Variants in PARPBP observed in about 807,000 individuals in gnomAD.
PARPBP encodes PCNA-interacting partner.
A neutral mutation model predicts 50.0 loss-of-function variants in PARPBP; 52 were observed. The observed-to-expected ratio is 1.04, with a 90% CI of 0.83 to 1.31. The LOEUF (loss-of-function observed/expected upper bound fraction) is 1.31, where lower values mean the gene tolerates loss of function less well. Among genes scored for constraint, PARPBP ranks in the 50% most tolerant of loss-of-function variants. The pLI is 0.00. For missense variants in PARPBP, 697 were observed against 672.0 expected (o/e 1.04, Z -0.41); for synonymous variants, 244 against 232.1 (o/e 1.05, Z -0.47).
chr12:102,140,437 C>T (rs1417278613), intron 2 of PARPBP, among the ~76,000 whole-genome samples: 1 of 152,108 alleles, frequency 6.6e-6, no homozygotes, highest in African/African-American at 2.4e-5. Flanking sequence ...AAAAACAGCT[C>T]CTGGGTTCAT....
At chr12:102,126,389 A>G (rs1485335818) in intron 2 of PARPBP, among the ~76,000 whole-genome samples, 1 of 152,222 alleles carries the variant, frequency 6.6e-6, no homozygotes, top group East Asian at 1.9e-4. Context: ...ATGCTTTAAA[A>G]AAGTTTTTCT....
At chr12:102,141,590 T>C (rs1390065033) in intron 2 of PARPBP, among the ~76,000 whole-genome samples, 1 of 152,236 alleles carries the variant, frequency 6.6e-6, no homozygotes, top group Non-Finnish European at 1.5e-5. Context: ...TTGATGGTCT[T>C]TAAAATTTGG....
intron 2 of PARPBP, among the ~76,000 whole-genome samples, chr12:102,140,366 TTC>T (rs1252535049): frequency 6.6e-6 from 1 of 152,212 alleles, no homozygotes; most frequent in African/African-American, 2.4e-5. Context: ...TATTTGATTC[TTC>T]TCTCTTTTCT....
At chr12:102,128,256 G>C (rs1016352669) in intron 2 of PARPBP, among the ~76,000 whole-genome samples, 1 of 151,732 alleles carries the variant, frequency 6.6e-6, no homozygotes, top group Non-Finnish European at 1.5e-5. Flanking sequence ...TTTTTTGATG[G>C]AGTCTCACTC....
chr12:102,131,452 A>C (rs1226376254), intron 2 of PARPBP, among the ~76,000 whole-genome samples: 1 of 152,202 alleles, frequency 6.6e-6, no homozygotes, highest in East Asian at 1.9e-4. Flanking sequence ...AGACCTAAAA[A>C]CAGAACTACC....
intron 4 of PARPBP, among the ~76,000 whole-genome samples, chr12:102,159,359 T>A (rs1458022381): frequency 2.6e-5 from 4 of 152,046 alleles, no homozygotes; most frequent in Admixed American, 1.3e-4. Flanking sequence ...GAACTCCTGA[T>A]CTCGTGATCC....
At chr12:102,148,740 T>C in intron 3 of PARPBP, 1 of 275,778 alleles carries the variant, frequency 3.6e-6, no homozygotes, top group East Asian at 6.4e-5. Flanking sequence ...CCCAAATGCC[T>C]GATTTCTTTT....
At chr12:102,131,735 C>T (rs965660666) in intron 2 of PARPBP, among the ~76,000 whole-genome samples, 4 of 152,140 alleles carry the variant, frequency 2.6e-5, no homozygotes, top group Non-Finnish European at 4.4e-5. Flanking sequence ...AATGCAGGAA[C>T]AGAAAACCAG....
chr12:102,139,967 G>T (rs979594946), intron 2 of PARPBP, among the ~76,000 whole-genome samples: 16 of 152,164 alleles, frequency 1.1e-4, no homozygotes, highest in Admixed American at 5.2e-4. Context: ...GTCTCTGCCA[G>T]GCTTTGGTAT....
chr12:102,135,641 T>C (rs1234453687), intron 2 of PARPBP, among the ~76,000 whole-genome samples: 1 of 151,908 alleles, frequency 6.6e-6, no homozygotes, highest in Non-Finnish European at 1.5e-5. Context: ...AAGGTTTGTA[T>C]AGATTTCCCT....
chr12:102,160,778 G>A (rs748403971), intron 4 of PARPBP, among the ~76,000 whole-genome samples: 1 of 151,846 alleles, frequency 6.6e-6, no homozygotes, highest in Admixed American at 6.6e-5. Context: ...GAGAAATCCC[G>A]TCTCTACTAA....
chr12:102,151,037 C>A (rs1489674213), intron 3 of PARPBP, among the ~76,000 whole-genome samples: 1 of 152,142 alleles, frequency 6.6e-6, no homozygotes, highest in Non-Finnish European at 1.5e-5. Context: ...GCAGTCAGAT[C>A]TGAGTCCCAA....
intron 3 of PARPBP, chr12:102,152,052 T>C (rs1886273682): frequency 6.8e-6 from 3 of 438,410 alleles, no homozygotes; most frequent in African/African-American, 6.0e-5. Flanking sequence ...TTTTCTTTTT[T>C]CTTCCTAAAA....
At chr12:102,146,254 A>G (rs917644058) in intron 2 of PARPBP, among the ~76,000 whole-genome samples, 1 of 152,148 alleles carries the variant, frequency 6.6e-6, no homozygotes, top group Non-Finnish European at 1.5e-5. Context: ...AACCCGCATC[A>G]CCAAGTCAAT....
At chr12:102,132,535 T>G (rs947239169) in intron 2 of PARPBP, among the ~76,000 whole-genome samples, 1 of 152,214 alleles carries the variant, frequency 6.6e-6, no homozygotes, top group Non-Finnish European at 1.5e-5. Context: ...ATGCTAGTAC[T>G]ATGCTATTTG....
intron 5 of PARPBP, among the ~76,000 whole-genome samples, chr12:102,165,338 A>G (rs1181481371): frequency 6.6e-6 from 1 of 152,210 alleles, no homozygotes; most frequent in Non-Finnish European, 1.5e-5. Flanking sequence ...GTTTAACACA[A>G]CAGATCAGCT....
chr12:102,171,942 G>A (rs983284345), intron 6 of PARPBP, among the ~76,000 whole-genome samples: 21 of 151,936 alleles, frequency 1.4e-4, no homozygotes, highest in Admixed American at 5.9e-4. Context: ...AATTTTTAAA[G>A]GTAAAATTTA....
intron 4 of PARPBP, among the ~76,000 whole-genome samples, chr12:102,156,987 A>G (rs938847209): frequency 2.6e-5 from 4 of 152,268 alleles, no homozygotes; most frequent in African/African-American, 9.6e-5. Flanking sequence ...GAATGCATTT[A>G]CTTCCAAAAT....
chr12:102,158,375 A>G (rs1318447518), intron 4 of PARPBP, among the ~76,000 whole-genome samples: 1 of 152,094 alleles, frequency 6.6e-6, no homozygotes, highest in African/African-American at 2.4e-5. Flanking sequence ...GGATTCATGA[A>G]TTTATATTTA....
Sources: gnomAD v4.1 joint callset for allele counts (sites outside exome capture counted in the v4.1 genomes callset) on GRCh38, gnomAD v4.1.1 for gene constraint, MANE v1.5 for transcripts, NCBI Gene and HGNC (gene_info 2026-07-23, HGNC 2026-07-21) for gene names.